The following SGPP2 variants were observed in gnomAD, a reference collection of about 807,000 sequenced individuals.
The protein encoded by SGPP2 is sphingosine-1-phosphate phosphatase 2.
A neutral mutation model predicts 33.9 loss-of-function variants in SGPP2; 30 were observed. The ratio of observed to expected loss-of-function variants is 0.89; its 90% CI spans 0.66 to 1.20. The LOEUF (loss-of-function observed/expected upper bound fraction) is 1.20, where lower values mean the gene tolerates loss of function less well. SGPP2 is among the 50% of genes most tolerant of loss of function. The pLI is 0.00. For missense variants in SGPP2, 458 were observed against 532.1 expected (o/e 0.86, Z 1.37); for synonymous variants, 233 against 225.0 (o/e 1.04, Z -0.32).
At chr2:222,470,419 G>A (rs953501025) in intron 1 of SGPP2, among the ~76,000 whole-genome samples, 1 of 152,182 alleles carries the variant, frequency 6.6e-6, no homozygotes, top group African/African-American at 2.4e-5. Context: ...AATCCTTGGG[G>A]TGTCATCTAT....
At chr2:222,525,245 C>G (rs1051740260) in intron 4 of SGPP2, among the ~76,000 whole-genome samples, 1 of 152,200 alleles carries the variant, frequency 6.6e-6, no homozygotes, top group African/African-American at 2.4e-5. Context: ...CTGAGCTACA[C>G]TGAACCCTCA....
chr2:222,527,151 A>G (rs1406526265), intron 4 of SGPP2, among the ~76,000 whole-genome samples: 2 of 152,186 alleles, frequency 1.3e-5, no homozygotes, highest in Non-Finnish European at 2.9e-5. Flanking sequence ...CAGTAAGCAG[A>G]TATTTAGGGG....
chr2:222,539,802 A>G (rs1698964930), intron 4 of SGPP2, among the ~76,000 whole-genome samples: 1 of 152,338 alleles, frequency 6.6e-6, no homozygotes, highest in Middle Eastern at 3.4e-3. Flanking sequence ...TCTTCAGTTC[A>G]GGTGGGAGGT....
At chr2:222,429,140 C>T (rs569257328) in intron 1 of SGPP2, among the ~76,000 whole-genome samples, 2 of 152,164 alleles carry the variant, frequency 1.3e-5, no homozygotes, top group Non-Finnish European at 2.9e-5. Context: ...GTTTTCTAAC[C>T]ATGGCTGTAC....
intron 2 of SGPP2, among the ~76,000 whole-genome samples, chr2:222,492,541 T>C (rs1039778012): frequency 6.6e-6 from 1 of 152,232 alleles, no homozygotes; most frequent in Non-Finnish European, 1.5e-5. Context: ...AGGGAGGCCC[T>C]GGGTCCTGCC....
At chr2:222,481,380 A>AT (rs369641096) in intron 2 of SGPP2, among the ~76,000 whole-genome samples, 1 of 152,092 alleles carries the variant, frequency 6.6e-6, no homozygotes, top group East Asian at 1.9e-4. Context: ...TCTGCCTTGT[A>AT]TTTTTTTAAA....
intron 1 of SGPP2, among the ~76,000 whole-genome samples, chr2:222,439,549 AC>A: frequency 6.6e-6 from 1 of 152,184 alleles, no homozygotes. Context: ...AAAGGAAACA[AC>A]CAAAACGTTC....
At chr2:222,454,643 G>T (rs181216280) in intron 1 of SGPP2, among the ~76,000 whole-genome samples, 1 of 151,886 alleles carries the variant, frequency 6.6e-6, no homozygotes, top group Non-Finnish European at 1.5e-5. Flanking sequence ...TGACAAGCAG[G>T]CTTCTGCTTG....
rs1698524124 is a variant in SGPP2 at position 222,511,345 on chromosome 2, CAGA to C, written c.379-10414_379-10412del. Among the ~76,000 whole-genome samples the C allele has an allele frequency of 2.6e-5, 4 of 152,302 alleles. No homozygotes were observed. In the South Asian group the frequency reaches 8.3e-4, roughly 32 times the overall value. On this transcript the variant is annotated intron_variant, in intron 2 of 4. Coordinates refer to ENST00000321276, the MANE Select transcript of SGPP2 (RefSeq NM_152386.4). Reference sequence around the variant, plus strand: ...TATTACATTTATCCTGCATTCAGAGCAGAAGAAGAAAATAGGCTAATTCCCCTT... The same window carrying C: ...TATTACATTTATCCTGCATTCAGAGCAGAAGAAAATAGGCTAATTCCCCTT...
chr2:222,486,950 T>A (rs1261236218), intron 2 of SGPP2, among the ~76,000 whole-genome samples: 1 of 152,250 alleles, frequency 6.6e-6, no homozygotes, highest in Non-Finnish European at 1.5e-5. Context: ...AATTTTTTTC[T>A]TAAATCCTAC....
chr2:222,431,682 C>T (rs531729815), intron 1 of SGPP2, among the ~76,000 whole-genome samples: 102 of 152,164 alleles, frequency 6.7e-4, no homozygotes, highest in Non-Finnish European at 1.3e-3. Context: ...CCCAGACCCA[C>T]TGAGAGCTTA....
intron 1 of SGPP2, among the ~76,000 whole-genome samples, chr2:222,442,953 A>G (rs1697348252): frequency 6.6e-6 from 1 of 152,194 alleles, no homozygotes; most frequent in African/African-American, 2.4e-5. Context: ...AATCAGAACG[A>G]TCAAATATTG....
chr2:222,444,706 C>T (rs1198489472), intron 1 of SGPP2, among the ~76,000 whole-genome samples: 2 of 152,132 alleles, frequency 1.3e-5, no homozygotes, highest in East Asian at 1.9e-4. Flanking sequence ...TTTTGAGTGC[C>T]GTTGCCTCCA....
intron 4 of SGPP2, among the ~76,000 whole-genome samples, chr2:222,535,101 G>T (rs1195208213): frequency 7.2e-6 from 1 of 138,202 alleles, no homozygotes; most frequent in Non-Finnish European, 1.6e-5. Context: ...AAGCCTTTGG[G>T]CACAGTGGCT....
intron 4 of SGPP2, among the ~76,000 whole-genome samples, chr2:222,546,825 C>CAA (rs5838955): frequency 0.013 from 1,465 of 116,562 alleles, 14 homozygotes; most frequent in African/African-American, 0.029. Flanking sequence ...ACACATGTTG[C>CAA]AAAAAAAAAA....
chr2:222,471,553 C>T (rs943545246), intron 1 of SGPP2, among the ~76,000 whole-genome samples: 2 of 152,098 alleles, frequency 1.3e-5, no homozygotes, highest in Admixed American at 1.3e-4. Context: ...TTGAAGCAGA[C>T]ATCACACCTG....
At chr2:222,555,030 C>T (rs1330127163) in intron 4 of SGPP2, among the ~76,000 whole-genome samples, 1 of 152,058 alleles carries the variant, frequency 6.6e-6, no homozygotes, top group Admixed American at 6.5e-5. Context: ...ACCCTGAAAC[C>T]CCTAGGCAAC....
At chr2:222,536,657 G>A (rs1237407097) in intron 4 of SGPP2, among the ~76,000 whole-genome samples, 2 of 151,928 alleles carry the variant, frequency 1.3e-5, no homozygotes, top group African/African-American at 2.4e-5. Flanking sequence ...TCCTGCCTGG[G>A]GGATAGAGCA....
At chr2:222,553,830 T>C (rs1326941876) in intron 4 of SGPP2, among the ~76,000 whole-genome samples, 1 of 152,224 alleles carries the variant, frequency 6.6e-6, no homozygotes, top group East Asian at 1.9e-4. Flanking sequence ...TGGGAGGTGA[T>C]CTGAGTGGCA....
Sources: gnomAD v4.1 joint callset for allele counts (sites outside exome capture counted in the v4.1 genomes callset) on GRCh38, gnomAD v4.1.1 for gene constraint, MANE v1.5 for transcripts, NCBI Gene and HGNC (gene_info 2026-07-23, HGNC 2026-07-21) for gene names.